Variants in FEZ1 observed in about 807,000 individuals in gnomAD.
FEZ1 encodes fasciculation and elongation protein zeta 1.
A neutral mutation model predicts 49.3 loss-of-function variants in FEZ1; 20 were observed. That is an observed-to-expected ratio of 0.41 (90% CI 0.29 to 0.59). FEZ1 has a LOEUF of 0.59. Ranked by LOEUF, FEZ1 falls within the 20% of genes least tolerant of loss-of-function variation. The pLI, the probability that FEZ1 is intolerant of heterozygous loss-of-function variation, is 0.36. For synonymous variants in FEZ1, 170 were observed against 180.9 expected (o/e 0.94, Z 0.48); for missense variants, 413 against 476.0 (o/e 0.87, Z 1.23).
intron 2 of FEZ1, among the ~76,000 whole-genome samples, chr11:125,485,106 CT>C (rs1166236517): frequency 1.3e-5 from 2 of 152,312 alleles, no homozygotes; most frequent in East Asian, 3.9e-4. Flanking sequence ...TGAAAGCTAT[CT>C]CCTCTATCAT....
At chr11:125,448,955 C>T (rs1175325819) in intron 8 of FEZ1, among the ~76,000 whole-genome samples, 3 of 152,048 alleles carry the variant, frequency 2.0e-5, no homozygotes, top group Non-Finnish European at 2.9e-5. Context: ...AATATGCCCC[C>T]GTAACAAACC....
At position 125,495,799 on chromosome 11, in the gene FEZ1, G is replaced by GACACACACACAC. The variant is rs10524234; in HGVS notation, c.-46+310_-46+321dup. 192 of 310,014 alleles carry GACACACACACAC rather than the reference G, an allele frequency of 6.2e-4. No homozygotes were observed. Among genetic ancestry groups the GACACACACACAC allele is most frequent in the African/African-American group, 4.2e-3 (182 of 43,188 alleles). 19.2% of individuals were successfully genotyped at this position (310,014 alleles called of 1,614,324 possible). A position where few individuals can be genotyped will look rare whatever the true frequency, so the allele number is the denominator to read the frequency against. On this transcript the variant is annotated intron_variant, in intron 1 of 9. Coordinates refer to ENST00000278919, the MANE Select transcript of FEZ1 (RefSeq NM_005103.5). The surrounding 1 kb of genome is among the most constrained non-coding windows in gnomAD (Gnocchi z 4.2). Reference sequence around the variant, plus strand: ...GCACACACGCGGGCACACACACGCGGACACACACACACACACACACACACA... The same window carrying GACACACACACAC: ...GCACACACGCGGGCACACACACGCGGACACACACACACACACACACACACACACACACACACA...
intron 2 of FEZ1, among the ~76,000 whole-genome samples, chr11:125,488,490 C>A (rs1166799931): frequency 6.6e-6 from 1 of 152,104 alleles, no homozygotes; most frequent in Non-Finnish European, 1.5e-5. Flanking sequence ...ACCAGCCTGG[C>A]CAACATGGTG....
At chr11:125,470,621 G>C (rs1236180265) in intron 3 of FEZ1, among the ~76,000 whole-genome samples, 5 of 152,142 alleles carry the variant, frequency 3.3e-5, no homozygotes, top group South Asian at 2.1e-4. Context: ...GCAGTGCAAG[G>C]CTGTGTGTTT....
At chr11:125,451,859 A>T (rs926425549) in intron 8 of FEZ1, among the ~76,000 whole-genome samples, 1 of 152,156 alleles carries the variant, frequency 6.6e-6, no homozygotes, top group East Asian at 1.9e-4. Flanking sequence ...GCTGGACTCT[A>T]TTTTTTCCAG....
Position 125,455,839 on chromosome 11 carries a change from A to G in FEZ1, c.935T>C (p.Leu312Pro), listed in dbSNP as rs540242545. The change falls in exon 6 of 10, where the codon CTC (leucine) becomes CCC (proline). Residue 312 changes from leucine (L) to proline (P), a missense_variant. Physicochemically the swap from Leu to Pro is moderately conservative, Grantham distance 98 (BLOSUM62 -3). Transcript: ENST00000278919. The stretch of plus-strand genomic sequence containing the variant: ...TCCACCTGGTTGTTCACCTACCTTG[A>G]GAGGCATCTGGTTTCCCTTCTCTAT... ...SRIEKGNQMPLKRFSMEGISN... is the reference protein window; with the variant it reads ...SRIEKGNQMPPKRFSMEGISN... 2.9e-5 allele frequency: 46 copies of G among 1,613,936 alleles called. No homozygotes were observed. The Admixed American group carries it at 5.2e-4, about 18-fold the overall frequency.
chr11:125,480,092 C>G (rs1008677605), intron 3 of FEZ1, among the ~76,000 whole-genome samples: 9 of 152,162 alleles, frequency 5.9e-5, no homozygotes, highest in Admixed American at 2.0e-4. Flanking sequence ...ATAAACAATT[C>G]TAGGCCAGCA....
chr11:125,460,653 A>G lies in FEZ1; in HGVS notation c.512T>C (p.Ile171Thr). 6.2e-7 allele frequency: 1 copy of G among 1,613,686 alleles called. No homozygotes were observed. The highest frequency in any genetic ancestry group is 8.5e-7 in the Non-Finnish European group (1 of 1,179,906). The change falls in exon 5 of 10, where the codon ATT (isoleucine) becomes ACT (threonine). Residue 171 changes from isoleucine (I) to threonine (T), a missense_variant. Physicochemically the swap from Ile to Thr is moderately conservative, Grantham distance 89. Transcript: ENST00000278919. ...LLTADQVIEE[I>T]EEMMQNSPDP... is the part of the protein sequence containing the mutation. ...TGGGGAGTTCTGCATCATTTCCTCA[A>G]TCTCCTCAATTACCTGAAGAAGGTA...
chr11:125,443,744 G>A lies in FEZ1; in HGVS notation c.*2351C>T, dbSNP rs1165889774. 1.3e-5 allele frequency among the ~76,000 whole-genome samples: 2 copies of A among 152,114 alleles called. No individual in the cohort carries two copies. Among genetic ancestry groups the A allele is most frequent in the Non-Finnish European group, 2.9e-5 (2 of 68,036 alleles). On this transcript the variant is annotated 3_prime_UTR_variant, in exon 10 of 10. Transcript: ENST00000278919. ...GATTTCATATTCCCCTTAAACTCCT[G>A]ATAGACGGACAAACAAGAGAGAAAG... is the stretch of plus-strand genomic sequence containing the variant.
intron 2 of FEZ1, among the ~76,000 whole-genome samples, chr11:125,486,933 C>T (rs1957330318): frequency 6.6e-6 from 1 of 152,136 alleles, no homozygotes; most frequent in Non-Finnish European, 1.5e-5. Context: ...AACTGAATGC[C>T]TAGAAAGTGT....
intron 2 of FEZ1, among the ~76,000 whole-genome samples, chr11:125,482,635 G>T (rs923936005): frequency 6.6e-6 from 1 of 152,052 alleles, no homozygotes; most frequent in Non-Finnish European, 1.5e-5. Context: ...AAGCCCTTAA[G>T]ATAATGACCG....
intron 5 of FEZ1, among the ~76,000 whole-genome samples, chr11:125,457,443 T>TATATATATAC (rs1957025578): frequency 1.3e-5 from 1 of 74,294 alleles, no homozygotes; most frequent in Admixed American, 2.0e-4. Flanking sequence ...TATATATATA[T>TATATATATAC]ATATATATGT....
intron 8 of FEZ1, among the ~76,000 whole-genome samples, chr11:125,448,801 T>G (rs1320014632): frequency 1.3e-5 from 2 of 152,110 alleles, no homozygotes; most frequent in African/African-American, 4.8e-5. Flanking sequence ...AGGTTTAGTT[T>G]CAGTTGTAAC....
intron 4 of FEZ1, among the ~76,000 whole-genome samples, chr11:125,461,113 C>T (rs982928321): frequency 1.3e-5 from 2 of 152,122 alleles, no homozygotes; most frequent in Admixed American, 6.5e-5. Flanking sequence ...GGGAGGAAAA[C>T]AACTATTTCT....
rs1565308392 is a variant in FEZ1 at position 125,495,431 on chromosome 11, G to A, written c.-46+690C>T. 1 of 470,468 alleles carries A rather than the reference G, an allele frequency of 2.1e-6. No individual in the cohort carries two copies. Among genetic ancestry groups the A allele is most frequent in the Non-Finnish European group, 4.4e-6 (1 of 226,630 alleles). 29.1% of individuals were successfully genotyped at this position (470,468 alleles called of 1,614,324 possible). On this transcript the variant is annotated intron_variant, in intron 1 of 9. Transcript: ENST00000278919. The surrounding 1 kb of genome is among the most constrained non-coding windows in gnomAD (Gnocchi z 4.2). ...CACTGCTCCCCGCATTCCAGAGCCCGGGGCCCACCCGACGGCAGCGCGCCC... is the reference window on the plus strand; with the variant it reads ...CACTGCTCCCCGCATTCCAGAGCCCAGGGCCCACCCGACGGCAGCGCGCCC...
In FEZ1 at chr11:125,448,513, T is replaced by G; in HGVS notation, c.1151A>C (p.Tyr384Ser). Residue 384 changes from tyrosine to serine, a missense_variant, in exon 9 of 10, where the codon TAC becomes TCC. Transcript: ENST00000278919. The stretch of plus-strand genomic sequence containing the variant: ...GGGGCTGCTCTTACCTTTTAAAATG[T>G]AGTCCGTTAGCAAAGTAGGCACCTT... ...NEKVPTLLTD[Y>S]ILKVLCPT 6.2e-7 allele frequency: 1 copy of G among 1,610,386 alleles called. No individual in the cohort carries two copies. Among genetic ancestry groups the G allele is most frequent in the Non-Finnish European group, 8.5e-7 (1 of 1,176,580 alleles).
At chr11:125,457,403 TAAAAAAA>T (rs141594971) in intron 5 of FEZ1, among the ~76,000 whole-genome samples, 15 of 35,122 alleles carry the variant, frequency 4.3e-4, no homozygotes, top group East Asian at 1.0e-3. Flanking sequence ...GTTTCTACTT[TAAAAAAA>T]AAAAAAAAAA....
intron 5 of FEZ1, among the ~76,000 whole-genome samples, chr11:125,457,426 AAAAATATATAT>A (rs1466134604): frequency 1.6e-3 from 59 of 37,298 alleles, no homozygotes; most frequent in East Asian, 4.4e-3. Flanking sequence ...AAAAAAAAAA[AAAAATATATAT>A]ATATATATAT....
chr11:125,460,515 T>C lies in FEZ1; in HGVS notation c.650A>G (p.Asn217Ser), dbSNP rs771689586. The stretch of plus-strand genomic sequence containing the variant: ...GCCCTCACCTTCATAGGACCAGTTG[T>C]TGTTGAAGGTCTGTGTCAATGCCTG... ...EMQALTQTFN[N>S]NWSYEGLRHM... The change falls in exon 5 of 10, where the codon AAC (asparagine) becomes AGC (serine). Residue 217 changes from asparagine (N) to serine (S), a missense_variant. Asn to Ser is a conservative substitution (Grantham distance 46). Coordinates refer to ENST00000278919, the MANE Select transcript of FEZ1 (RefSeq NM_005103.5). 2 of 1,613,986 alleles carry C rather than the reference T, an allele frequency of 1.2e-6. No individual in the cohort carries two copies. Among genetic ancestry groups the C allele is most frequent in the South Asian group, 1.1e-5 (1 of 91,044 alleles).
Sources: gnomAD v4.1 joint callset for allele counts (sites outside exome capture counted in the v4.1 genomes callset) on GRCh38, gnomAD v4.1.1 for gene constraint, Gnocchi (gnomAD v3.1) non-coding constraint, MANE v1.5 for transcripts, NCBI Gene and HGNC (gene_info 2026-07-23, HGNC 2026-07-21) for gene names.